Variants in RIN3 observed in about 807,000 individuals in gnomAD.
RIN3 encodes Ras and Rab interactor 3, also known as RAB5 interacting protein 3.
Under a neutral mutation model 76.3 loss-of-function variants are expected in RIN3, and 54 were observed. The ratio of observed to expected loss-of-function variants is 0.71; its 90% CI spans 0.57 to 0.89. The LOEUF (loss-of-function observed/expected upper bound fraction) is 0.89, where lower values mean the gene tolerates loss of function less well. Ranked by LOEUF, RIN3 falls within the 40% of genes least tolerant of loss-of-function variation. The pLI is 0.00. For missense variants in RIN3, 1,256 were observed against 1,322.1 expected (o/e 0.95, Z 0.78); for synonymous variants, 576 against 564.0 (o/e 1.02, Z -0.30).
chr14:92,536,511 A>G (rs1897002479), intron 1 of RIN3, among the ~76,000 whole-genome samples: 1 of 152,112 alleles, frequency 6.6e-6, no homozygotes, highest in Non-Finnish European at 1.5e-5. Context: ...TGGGAGGCCG[A>G]GTTGGGCAGA....
At position 92,676,624 on chromosome 14, in the gene RIN3, G is replaced by A. The variant is rs780796219; in HGVS notation, c.2467+18G>A. 2.2e-5 allele frequency: 35 copies of A among 1,610,620 alleles called. No homozygotes were observed. Among genetic ancestry groups the A allele is most frequent in the Admixed American group, 5.0e-5 (3 of 59,954 alleles). On this transcript the variant is annotated intron_variant, in intron 8 of 9. Coordinates refer to ENST00000216487, the MANE Select transcript of RIN3 (RefSeq NM_024832.5). Reference sequence around the variant, plus strand: ...GGGGGAGGGTGAGTCACCACCCCCTGCCCATCAGGTGCATTGCACACCCCC... The same window carrying A: ...GGGGGAGGGTGAGTCACCACCCCCTACCCATCAGGTGCATTGCACACCCCC...
At chr14:92,515,152 C>G (rs1444718356) in intron 1 of RIN3, 2 of 678,976 alleles carry the variant, frequency 2.9e-6, no homozygotes, top group African/African-American at 3.5e-5. Flanking sequence ...TCTTCTCCCT[C>G]CATCCTGCCA....
intron 6 of RIN3, among the ~76,000 whole-genome samples, chr14:92,658,407 A>G (rs989735169): frequency 1.3e-5 from 2 of 152,248 alleles, no homozygotes; most frequent in Non-Finnish European, 2.9e-5. Context: ...AAGCAAAGCA[A>G]TGAGTGAGAG....
At chr14:92,527,401 G>C (rs1363065908) in intron 1 of RIN3, among the ~76,000 whole-genome samples, 1 of 152,086 alleles carries the variant, frequency 6.6e-6, no homozygotes, top group African/African-American at 2.4e-5. Flanking sequence ...TTAGGGCCCA[G>C]CTTACTCCAG....
chr14:92,611,170 C>T (rs114460788), intron 3 of RIN3, among the ~76,000 whole-genome samples: 3,319 of 152,260 alleles, frequency 0.022, 115 homozygotes, highest in African/African-American at 0.075. Flanking sequence ...TCCTGTATTC[C>T]GGTGGTTGCT....
intron 7 of RIN3, among the ~76,000 whole-genome samples, chr14:92,663,345 C>G (rs1213745716): frequency 6.6e-6 from 1 of 152,130 alleles, no homozygotes; most frequent in Non-Finnish European, 1.5e-5. Context: ...GGAGGAGGAG[C>G]AAGAAAGGCA....
At chr14:92,631,225 G>A (rs1410706682) in intron 4 of RIN3, among the ~76,000 whole-genome samples, 4 of 152,250 alleles carry the variant, frequency 2.6e-5, no homozygotes, top group Non-Finnish European at 2.9e-5. Context: ...CTTGGGGCCC[G>A]GGGGGCTGGG....
intron 4 of RIN3, among the ~76,000 whole-genome samples, chr14:92,634,810 A>G (rs1048239379): frequency 3.3e-5 from 5 of 149,902 alleles, no homozygotes; most frequent in African/African-American, 1.2e-4. Context: ...GTGAGCCGAG[A>G]TCACACCACT....
At chr14:92,526,384 G>A (rs925414759) in intron 1 of RIN3, among the ~76,000 whole-genome samples, 2 of 151,950 alleles carry the variant, frequency 1.3e-5, no homozygotes, top group Non-Finnish European at 1.5e-5. Context: ...AGTTGAGCTC[G>A]GGAGGCAGAG....
intron 3 of RIN3, among the ~76,000 whole-genome samples, chr14:92,581,934 G>T (rs1237867269): frequency 6.6e-6 from 1 of 152,178 alleles, no homozygotes; most frequent in Non-Finnish European, 1.5e-5. Context: ...GGATTCTGGC[G>T]AAACTGACCC....
chr14:92,588,214 C>G (rs926038040), intron 3 of RIN3, among the ~76,000 whole-genome samples: 2 of 58,760 alleles, frequency 3.4e-5, no homozygotes, highest in Non-Finnish European at 6.1e-5. Context: ...CCATAGCACT[C>G]TTTTTTTTTT....
rs1181810740 is a variant in RIN3, at chr14:92,652,335, G to T, written c.1286G>T (p.Ser429Ile). The change falls in exon 6 of 10, where the codon AGC (serine) becomes ATC (isoleucine). Residue 429 changes from serine to isoleucine, a missense_variant. Physicochemically the swap from Ser to Ile is moderately radical, Grantham distance 142. Transcript: ENST00000216487. The surrounding 1 kb of genome is among the most constrained non-coding windows in gnomAD (Gnocchi z 6.4). Reference protein sequence around the residue: ...SDGPEDTPRESTEQGQDTEVK... With the variant: ...SDGPEDTPREITEQGQDTEVK... Reference sequence around the variant, plus strand: ...GGCCCTGAGGACACGCCCCGGGAGAGCACGGAGCAAGGCCAGGACACAGAG... The same window carrying T: ...GGCCCTGAGGACACGCCCCGGGAGATCACGGAGCAAGGCCAGGACACAGAG... The T allele has an allele frequency of 1.2e-6, 2 of 1,604,212 alleles. No homozygotes were observed. Among genetic ancestry groups the T allele is most frequent in the South Asian group, 2.2e-5 (2 of 89,974 alleles).
intron 2 of RIN3, among the ~76,000 whole-genome samples, chr14:92,561,042 A>ATATATATAT (rs1461986249): frequency 0.013 from 244 of 19,296 alleles, 9 homozygotes; most frequent in African/African-American, 0.034. Context: ...AAAAAAAAAA[A>ATATATATAT]AAATATATAT....
At chr14:92,542,930 G>A (rs1323646008) in intron 1 of RIN3, among the ~76,000 whole-genome samples, 2 of 152,164 alleles carry the variant, frequency 1.3e-5, no homozygotes, top group African/African-American at 4.8e-5. Flanking sequence ...GGGCTAGAGG[G>A]AAGGGGGCAG....
intron 2 of RIN3, among the ~76,000 whole-genome samples, chr14:92,570,596 A>G (rs1320596152): frequency 6.6e-6 from 1 of 151,430 alleles, no homozygotes; most frequent in Non-Finnish European, 1.5e-5. Context: ...CTGGAGGCAA[A>G]GGTTGCAGTG....
At chr14:92,655,922 G>A (rs1422162119) in intron 6 of RIN3, among the ~76,000 whole-genome samples, 1 of 152,186 alleles carries the variant, frequency 6.6e-6, no homozygotes, top group South Asian at 2.1e-4. Context: ...TGGGGAGGTC[G>A]AGCGGGCCAT....
intron 3 of RIN3, among the ~76,000 whole-genome samples, chr14:92,593,150 T>TA (rs564574832): frequency 1.4e-3 from 212 of 151,516 alleles, no homozygotes; most frequent in Middle Eastern, 6.8e-3. Context: ...GGACAACCAC[T>TA]AAAAAAAATA....
chr14:92,582,645 G>T (rs1884597731), intron 3 of RIN3, among the ~76,000 whole-genome samples: 1 of 151,974 alleles, frequency 6.6e-6, no homozygotes, highest in Admixed American at 6.5e-5. Flanking sequence ...TGGAAACCAG[G>T]TTTCACCATG....
chr14:92,622,101 C>G (rs1487107326), intron 4 of RIN3, among the ~76,000 whole-genome samples: 1 of 141,176 alleles, frequency 7.1e-6, no homozygotes, highest in Non-Finnish European at 1.5e-5. Context: ...CCCACTTTCC[C>G]AGTAGACAGT....
Sources: allele counts gnomAD v4.1 joint callset (sites outside exome capture counted in the v4.1 genomes callset), GRCh38; gene constraint gnomAD v4.1.1; non-coding constraint Gnocchi (gnomAD v3.1); transcripts MANE v1.5; gene names NCBI Gene and HGNC (gene_info 2026-07-23, HGNC 2026-07-21).